Variants in ATE1 observed in about 807,000 individuals in gnomAD.
ATE1 encodes arginyltransferase 1.
In ATE1, 36 loss-of-function variants were observed where a neutral mutation model predicts 70.5. The observed-to-expected ratio is 0.51, with a 90% CI of 0.39 to 0.67. The LOEUF (loss-of-function observed/expected upper bound fraction) is 0.67. Ranked by LOEUF, ATE1 falls within the 30% of genes least tolerant of loss-of-function variation. The pLI is 0.00. For missense variants in ATE1, 593 were observed against 629.5 expected (o/e 0.94, Z 0.62); for synonymous variants, 232 against 219.3 (o/e 1.06, Z -0.51).
intron 7 of ATE1, among the ~76,000 whole-genome samples, chr10:121,877,226 C>A (rs1436355612): frequency 6.6e-6 from 1 of 151,956 alleles, no homozygotes; most frequent in African/African-American, 2.4e-5. Flanking sequence ...AAATAAATAC[C>A]AGCACAAAAT....
chr10:121,799,333 C>T (rs901182232), intron 10 of ATE1, among the ~76,000 whole-genome samples: 2 of 152,098 alleles, frequency 1.3e-5, no homozygotes, highest in African/African-American at 2.4e-5. Context: ...TGGTAGAATG[C>T]ACAGGTGAAA....
chr10:121,792,661 C>T (rs1184434127), intron 10 of ATE1, among the ~76,000 whole-genome samples: 1 of 152,162 alleles, frequency 6.6e-6, no homozygotes, highest in African/African-American at 2.4e-5. Context: ...AAAACAATGG[C>T]ATTATCTCCA....
At chr10:121,856,391 G>A (rs1949251449) in intron 8 of ATE1, among the ~76,000 whole-genome samples, 2 of 151,854 alleles carry the variant, frequency 1.3e-5, no homozygotes, top group African/African-American at 4.8e-5. Flanking sequence ...TTAGCTGGGT[G>A]TGGTGGTGGG....
chr10:121,832,840 T>C (rs191548134), intron 10 of ATE1, among the ~76,000 whole-genome samples: 59 of 152,314 alleles, frequency 3.9e-4, no homozygotes, highest in Middle Eastern at 3.4e-3. Context: ...AGAGGTAGTA[T>C]TGGTATTCAG....
At chr10:121,797,589 TAAA>T (rs35428247) in intron 10 of ATE1, among the ~76,000 whole-genome samples, 263 of 145,262 alleles carry the variant, frequency 1.8e-3, no homozygotes, top group Admixed American at 2.0e-3. Context: ...TGAGTGGGAG[TAAA>T]AAAAAAAAAA....
intron 8 of ATE1, among the ~76,000 whole-genome samples, chr10:121,869,503 T>A (rs555324673): frequency 6.6e-6 from 1 of 152,364 alleles, no homozygotes; most frequent in South Asian, 2.1e-4. Context: ...AAAAAGTGAA[T>A]GAAGAACCCA....
At chr10:121,749,619 G>A (rs759215424) in intron 11 of ATE1, among the ~76,000 whole-genome samples, 24 of 152,082 alleles carry the variant, frequency 1.6e-4, no homozygotes, top group Non-Finnish European at 3.2e-4. Context: ...ATTCAATAAC[G>A]ACATTAATTT....
chr10:121,920,573 A>G (rs1951841031), intron 3 of ATE1, among the ~76,000 whole-genome samples: 1 of 152,028 alleles, frequency 6.6e-6, no homozygotes, highest in Non-Finnish European at 1.5e-5. Context: ...TATAACCAGA[A>G]TAAGAGAGAA....
At chr10:121,884,398 A>G (rs1364664752) in intron 7 of ATE1, among the ~76,000 whole-genome samples, 1 of 152,030 alleles carries the variant, frequency 6.6e-6, no homozygotes, top group African/African-American at 2.4e-5. Context: ...CCAGGAGTTC[A>G]AGACCAGGCT....
intron 6 of ATE1, among the ~76,000 whole-genome samples, chr10:121,900,998 A>G (rs1247671345): frequency 6.6e-6 from 1 of 152,308 alleles, no homozygotes; most frequent in African/African-American, 2.4e-5. Context: ...CAGGCAAGGT[A>G]GCTCACACCT....
intron 7 of ATE1, among the ~76,000 whole-genome samples, chr10:121,887,258 T>G (rs1590632584): frequency 1.3e-5 from 2 of 152,148 alleles, no homozygotes; most frequent in African/African-American, 4.8e-5. Flanking sequence ...GGGGTCAGAA[T>G]GGACTCATCA....
intron 8 of ATE1, among the ~76,000 whole-genome samples, chr10:121,863,883 G>A (rs1460345189): frequency 2.8e-4 from 42 of 152,352 alleles, no homozygotes; most frequent in Admixed American, 2.7e-3. Context: ...TGAGTTGCTA[G>A]GATTACAGGC....
At chr10:121,798,674 TGGA>T (rs1946753572) in intron 10 of ATE1, among the ~76,000 whole-genome samples, 2 of 151,992 alleles carry the variant, frequency 1.3e-5, no homozygotes, top group Admixed American at 1.3e-4. Context: ...CAGAAATGGG[TGGA>T]TTACTTGAGG....
chr10:121,848,003 G>A (rs748494362), intron 8 of ATE1, among the ~76,000 whole-genome samples: 11 of 151,690 alleles, frequency 7.3e-5, no homozygotes, highest in African/African-American at 1.5e-4. Flanking sequence ...CCTGGGAGGC[G>A]GAGGTTGCAG....
At chr10:121,825,283 A>C (rs1564871338) in intron 10 of ATE1, among the ~76,000 whole-genome samples, 1 of 152,222 alleles carries the variant, frequency 6.6e-6, no homozygotes, top group Non-Finnish European at 1.5e-5. Flanking sequence ...ATTTCTATTG[A>C]AGTTTTCTTT....
chr10:121,888,405 G>A (rs990263965), intron 7 of ATE1, among the ~76,000 whole-genome samples: 1 of 151,690 alleles, frequency 6.6e-6, no homozygotes, highest in East Asian at 1.9e-4. Context: ...AAAAATAAAT[G>A]AATAATAATA....
chr10:121,761,361 GGCAAAACTCTTTATCA>G (rs1192698855), intron 11 of ATE1, among the ~76,000 whole-genome samples: 1 of 152,166 alleles, frequency 6.6e-6, no homozygotes, highest in Non-Finnish European at 1.5e-5. Context: ...TCAACATCAA[GGCAAAACTCTTTATCA>G]GCAAAAACAT....
At chr10:121,914,318 G>T (rs1396987046) in intron 3 of ATE1, among the ~76,000 whole-genome samples, 1 of 151,974 alleles carries the variant, frequency 6.6e-6, no homozygotes, top group East Asian at 1.9e-4. Flanking sequence ...ACCTGCCTCG[G>T]CCTCCCAAAA....
At chr10:121,841,403 A>G (rs1948624602) in intron 8 of ATE1, 140 bp from the exon 9 acceptor site, 1 of 534,440 alleles carries the variant, frequency 1.9e-6, no homozygotes, top group Non-Finnish European at 2.8e-6. Context: ...GTCACACCCT[A>G]TATTAAGCTG....
Sources: gnomAD v4.1 joint callset for allele counts (sites outside exome capture counted in the v4.1 genomes callset) on GRCh38, gnomAD v4.1.1 for gene constraint, MANE v1.5 for transcripts, NCBI Gene and HGNC (gene_info 2026-07-23, HGNC 2026-07-21) for gene names.